IL16: variants seen among roughly 807,000 people sequenced by gnomAD.
IL16 encodes pro-interleukin-16.
In IL16, 67 loss-of-function variants were observed where a neutral mutation model predicts 110.1. The observed-to-expected ratio is 0.61, with a 90% confidence interval of 0.50 to 0.75. IL16 has a LOEUF of 0.75. Ranked by LOEUF, IL16 falls within the 30% of genes least tolerant of loss-of-function variation. The probability of loss-of-function intolerance (pLI) is 0.00; values close to 1 mark genes in which losing one functional copy is unlikely to be tolerated. For missense variants in IL16, 1,545 were observed against 1,655.0 expected, an observed-to-expected ratio of 0.93 and a Z score of 1.15; for synonymous variants, 689 against 662.9, an observed-to-expected ratio of 1.04 and a Z score of -0.61.
chr15:81,205,163 G>A (rs542008008), intron 1 of IL16, among the ~76,000 whole-genome samples: 137 of 151,990 alleles, frequency 9.0e-4, no homozygotes, highest in Non-Finnish European at 1.7e-3. Context: ...AAAATTAGCC[G>A]GGCATAGTGG....
At chr15:81,295,318 C>A in intron 12 of IL16, 1 of 1,106,388 alleles carries the variant, frequency 9.0e-7, no homozygotes, top group South Asian at 2.0e-5. Flanking sequence ...TGTGTAAAAT[C>A]AAATTTATTT....
chr15:81,197,185 C>A lies in IL16; in HGVS notation c.-102+33C>A, dbSNP rs143647835. On this transcript the variant is annotated intron_variant, in intron 1 of 18. Transcript: ENST00000683961. ...AATGTCTGTCAGGCAGCTGCTCTGT[C>A]CAGGTGGCCGTTACCGGAGGGAGGA... The A allele has an allele frequency of 1.2e-3, 1,526 of 1,269,942 alleles. 16 individuals carry two copies. In the African/African-American group the frequency reaches 0.021, roughly 18 times the overall value. The allele number at this position is 1,269,942 out of a possible 1,614,324, so 78.7% of individuals were successfully genotyped here. A position where few individuals can be genotyped will look rare whatever the true frequency, so the allele number is the denominator to read the frequency against.
intron 2 of IL16, among the ~76,000 whole-genome samples, chr15:81,236,925 C>T (rs868195101): frequency 6.6e-6 from 1 of 152,154 alleles, no homozygotes; most frequent in South Asian, 2.1e-4. Flanking sequence ...AACCATTGCA[C>T]TCCAGCCTGG....
At chr15:81,191,343 A>T (rs139764285) in intron 1 of IL16, among the ~76,000 whole-genome samples, 1 of 152,356 alleles carries the variant, frequency 6.6e-6, no homozygotes, top group East Asian at 1.9e-4. Flanking sequence ...GGGCCTAATC[A>T]CATAAATTAC....
At chr15:81,293,121 C>T in intron 12 of IL16, 84 bp downstream of exon 12, 2 of 1,425,116 alleles carry the variant, frequency 1.4e-6, no homozygotes, top group Non-Finnish European at 1.9e-6. Context: ...TTAGTGTTAG[C>T]AGGGCCAGAA....
intron 2 of IL16, among the ~76,000 whole-genome samples, chr15:81,240,898 G>A (rs930552959): frequency 6.6e-6 from 1 of 151,954 alleles, no homozygotes; most frequent in Non-Finnish European, 1.5e-5. Context: ...ATTTTATAAT[G>A]TCTATTCTTT....
chr15:81,275,246 G>A (rs1898845944), intron 6 of IL16, among the ~76,000 whole-genome samples: 1 of 151,282 alleles, frequency 6.6e-6, no homozygotes, highest in Non-Finnish European at 1.5e-5. Flanking sequence ...CTGTCCAGCA[G>A]GGAAATGACA....
At chr15:81,217,895 T>A (rs1192939977) in intron 1 of IL16, among the ~76,000 whole-genome samples, 1 of 152,114 alleles carries the variant, frequency 6.6e-6, no homozygotes, top group Non-Finnish European at 1.5e-5. Flanking sequence ...GATAAAAAAA[T>A]TATGTCTCAA....
chr15:81,238,842 T>TTTA (rs1897258344), intron 2 of IL16, among the ~76,000 whole-genome samples: 1 of 151,536 alleles, frequency 6.6e-6, no homozygotes, highest in African/African-American at 2.4e-5. Context: ...TTTTTTTTTT[T>TTTA]ACCTGAGAAT....
chr15:81,224,108 AG>A (rs1413610730), intron 1 of IL16, among the ~76,000 whole-genome samples: 1 of 152,228 alleles, frequency 6.6e-6, no homozygotes, highest in Admixed American at 6.5e-5. Context: ...AAAATCAAAG[AG>A]CTAATACAGA....
intron 3 of IL16, among the ~76,000 whole-genome samples, chr15:81,260,707 G>A (rs1345057355): frequency 1.3e-5 from 2 of 152,228 alleles, no homozygotes; most frequent in Admixed American, 6.5e-5. Context: ...TGGGAGCTAA[G>A]GCACTTGGAT....
intron 5 of IL16, 63 bp downstream of exon 5, chr15:81,269,711 T>C: frequency 8.4e-7 from 1 of 1,189,976 alleles, no homozygotes; most frequent in Non-Finnish European, 1.3e-6. Flanking sequence ...AAGGAGCTGC[T>C]GTGTCCAGGG....
Position 81,309,790 on chromosome 15 carries a change from G to A in IL16, c.*992G>A, listed in dbSNP as rs1171051889. ...ACTTACCTACCACATGCCAAGCACT[G>A]TGCTCAGGGCTAAACGGGCATTGCC... On this transcript the variant is annotated 3_prime_UTR_variant, in exon 19 of 19. Transcript: ENST00000683961. The A allele has an allele frequency of 6.6e-6, 1 of 152,246 alleles. No homozygotes were observed. The highest frequency in any genetic ancestry group is 1.5e-5 in the Non-Finnish European group (1 of 68,054). 9.4% of individuals were successfully genotyped at this position (152,246 alleles called of 1,614,324 possible). A position where few individuals can be genotyped will look rare whatever the true frequency, so the allele number is the denominator to read the frequency against.
chr15:81,237,987 C>T (rs1229198747), intron 2 of IL16, among the ~76,000 whole-genome samples: 3 of 152,134 alleles, frequency 2.0e-5, no homozygotes, highest in Non-Finnish European at 4.4e-5. Context: ...TCACTGCAAC[C>T]TCCGCCTCCC....
Position 81,301,395 on chromosome 15 carries a change from C to T in IL16, c.3201C>T (p.Asp1067=), listed in dbSNP as rs756133219. ...AGGGTCTCACGGAAGCCAAGGAAGA[C>T]GATGATGGGGACCACAGTTCCCTTC... The part of the protein sequence containing the change: ...YTEGLTEAKE[D]DDGDHSSLQS... Residue 1067 remains aspartate (D), a synonymous_variant, in exon 15 of 19, where the codon GAC becomes GAT. Transcript: ENST00000683961. 1.5e-5 allele frequency: 25 copies of T among 1,613,742 alleles called. No individual in the cohort carries two copies. Among genetic ancestry groups the T allele is most frequent in the South Asian group, 2.2e-5 (2 of 91,054 alleles).
chr15:81,229,665 G>C (rs1049003016), intron 2 of IL16, among the ~76,000 whole-genome samples: 2 of 152,152 alleles, frequency 1.3e-5, no homozygotes, highest in Admixed American at 6.5e-5. Flanking sequence ...GGCAACAGCA[G>C]GTCCTCATAT....
intron 9 of IL16, 125 bp downstream of exon 9, chr15:81,282,881 G>A (rs1262725765): frequency 1.4e-5 from 11 of 802,540 alleles, no homozygotes; most frequent in African/African-American, 5.0e-5. Context: ...GAGATCAGCC[G>A]CTCCGCCCGC....
intron 3 of IL16, among the ~76,000 whole-genome samples, chr15:81,262,322 A>T (rs1898190357): frequency 6.6e-6 from 1 of 151,942 alleles, no homozygotes; most frequent in Non-Finnish European, 1.5e-5. Context: ...AAGTTTACTG[A>T]TCTTTTCTTT....
At chr15:81,200,241 T>A (rs185535619) in intron 1 of IL16, among the ~76,000 whole-genome samples, 164 of 148,516 alleles carry the variant, frequency 1.1e-3, no homozygotes, top group Non-Finnish European at 2.2e-3. Context: ...TTATATATAT[T>A]TATTTATTTA....
Sources: allele counts gnomAD v4.1 joint callset (sites outside exome capture counted in the v4.1 genomes callset), GRCh38; gene constraint gnomAD v4.1.1; transcripts MANE v1.5; gene names NCBI Gene and HGNC (gene_info 2026-07-23, HGNC 2026-07-21).